The following PVT1 variants were observed in gnomAD, a reference collection of about 807,000 sequenced individuals.
PVT1 encodes Pvt1 oncogene.
chr8:127,958,286 C>T (rs1211697358), intron 3 of PVT1, among the ~76,000 whole-genome samples: 1 of 151,850 alleles, frequency 6.6e-6, no homozygotes, highest in Non-Finnish European at 1.5e-5. Context: ...GTCGCCCAGG[C>T]AGGAGTGCAG....
Position 127,871,184 on chromosome 8 carries a change from C to T in PVT1, n.373-19405C>T, listed in dbSNP as rs1815347975. Among the ~76,000 whole-genome samples, 5 of 152,284 alleles carry T rather than the reference C, an allele frequency of 3.3e-5. No homozygotes were observed. The South Asian group carries it at 1.0e-3, about 32-fold the overall frequency. ...TGGTTACTGCCTGCTGTGTGCCTCT[C>T]CAGGGAGCACCAGGAGGGGCTGTGT... On this transcript the variant is annotated intron_variant and non_coding_transcript_variant, in intron 2 of 10. Coordinates refer to ENST00000651587, the Ensembl canonical transcript of PVT1.
rs1027398844 is a variant in PVT1, at chr8:127,936,213, C to T, written n.782+45215C>T. Among the ~76,000 whole-genome samples the T allele has an allele frequency of 9.2e-5, 14 of 151,754 alleles. 1 individual carries two copies. Among genetic ancestry groups the T allele is most frequent in the Admixed American group, 5.9e-4 (9 of 15,226 alleles). ...ATTACAGACATGCACCACCCACGCC[C>T]GGCTAATTTTGTATTTTTAGGAGAG... On this transcript the variant is annotated intron_variant and non_coding_transcript_variant, in intron 3 of 10. Coordinates refer to ENST00000651587, the Ensembl canonical transcript of PVT1.
chr8:127,924,762 C>T (rs1233218535), intron 3 of PVT1, among the ~76,000 whole-genome samples: 7 of 152,102 alleles, frequency 4.6e-5, no homozygotes, highest in African/African-American at 9.7e-5. Flanking sequence ...CCGCCCACCT[C>T]GGCCTCCCAA....
chr8:127,851,397 C>T (rs1344027331), intron 2 of PVT1, among the ~76,000 whole-genome samples: 1 of 152,156 alleles, frequency 6.6e-6, no homozygotes, highest in African/African-American at 2.4e-5. Context: ...AGCAGTGTGA[C>T]CTGGTTGTTT....
chr8:128,023,561 C>T (rs1817461760), intron 4 of PVT1, among the ~76,000 whole-genome samples: 1 of 152,204 alleles, frequency 6.6e-6, no homozygotes, highest in African/African-American at 2.4e-5. Flanking sequence ...GTTAGTGCTA[C>T]ATGCATTGCC....
intron 3 of PVT1, among the ~76,000 whole-genome samples, chr8:127,985,018 C>CTTCCTTCT (rs1816946822): frequency 7.3e-6 from 1 of 137,370 alleles, no homozygotes. Context: ...TCCTTCCTTC[C>CTTCCTTCT]TTCCTTCCTT....
chr8:128,035,437 T>TG (rs1057201548), intron 4 of PVT1, among the ~76,000 whole-genome samples: 2 of 152,172 alleles, frequency 1.3e-5, no homozygotes, highest in African/African-American at 2.4e-5. Flanking sequence ...TCACACTTTG[T>TG]GGGGGGCCAA....
At chr8:127,954,210 T>C (rs1349773493) in intron 3 of PVT1, among the ~76,000 whole-genome samples, 2 of 152,096 alleles carry the variant, frequency 1.3e-5, no homozygotes, top group Non-Finnish European at 2.9e-5. Flanking sequence ...GCAATACCTA[T>C]GTCTTAACTA....
chr8:128,086,625 T>G (rs1233517628), intron 5 of PVT1, among the ~76,000 whole-genome samples: 1 of 152,266 alleles, frequency 6.6e-6, no homozygotes, highest in African/African-American at 2.4e-5. Context: ...TTGTCAGCTT[T>G]ACCTAAACAG....
At chr8:127,974,820 T>C (rs994966056) in intron 3 of PVT1, among the ~76,000 whole-genome samples, 4 of 152,244 alleles carry the variant, frequency 2.6e-5, no homozygotes, top group Non-Finnish European at 5.9e-5. Context: ...ATCAGATTGT[T>C]TTCAGATATC....
At chr8:128,007,639 GA>G (rs1185083601) in intron 4 of PVT1, among the ~76,000 whole-genome samples, 1 of 152,202 alleles carries the variant, frequency 6.6e-6, no homozygotes, top group Non-Finnish European at 1.5e-5. Context: ...CCTGTTAACA[GA>G]CATTTCTGGG....
At chr8:127,850,155 G>A (rs1319723249) in intron 2 of PVT1, among the ~76,000 whole-genome samples, 1 of 152,130 alleles carries the variant, frequency 6.6e-6, no homozygotes, top group Non-Finnish European at 1.5e-5. Flanking sequence ...TGAGGGACTA[G>A]AAACTTCCTT....
intron 3 of PVT1, among the ~76,000 whole-genome samples, chr8:127,984,762 A>G (rs1487735246): frequency 3.3e-5 from 5 of 152,012 alleles, no homozygotes; most frequent in Admixed American, 6.5e-5. Context: ...ATACGCCACC[A>G]TGCCCAGCTA....
intron 2 of PVT1, among the ~76,000 whole-genome samples, chr8:127,816,110 T>G (rs929239226): frequency 1.5e-5 from 2 of 129,932 alleles, no homozygotes; most frequent in African/African-American, 6.6e-5. Flanking sequence ...GGCAACAGAG[T>G]GAGACTCCGT....
At chr8:128,054,753 G>A (rs761216907) in intron 4 of PVT1, among the ~76,000 whole-genome samples, 2 of 152,198 alleles carry the variant, frequency 1.3e-5, no homozygotes, top group Non-Finnish European at 2.9e-5. Flanking sequence ...CTGGGCCCAG[G>A]TTTTCAGGGA....
intron 2 of PVT1, among the ~76,000 whole-genome samples, chr8:127,888,263 C>T (rs1386523521): frequency 6.6e-6 from 1 of 152,154 alleles, no homozygotes; most frequent in Non-Finnish European, 1.5e-5. Flanking sequence ...AAGAAGAAAA[C>T]GTACCTTACT....
At chr8:128,064,401 C>A (rs928007950) in intron 4 of PVT1, among the ~76,000 whole-genome samples, 3 of 152,216 alleles carry the variant, frequency 2.0e-5, no homozygotes, top group African/African-American at 7.2e-5. Context: ...TCTTTTCACC[C>A]TTGTTTGGTC....
At chr8:128,020,856 G>T (rs999015842) in intron 4 of PVT1, among the ~76,000 whole-genome samples, 1 of 152,168 alleles carries the variant, frequency 6.6e-6, no homozygotes, top group East Asian at 1.9e-4. Context: ...TTGCACTTTC[G>T]CAGGGGACCT....
chr8:127,834,272 C>A (rs1384674910), intron 2 of PVT1, among the ~76,000 whole-genome samples: 1 of 152,104 alleles, frequency 6.6e-6, no homozygotes, highest in East Asian at 1.9e-4. Flanking sequence ...TACCACACAT[C>A]TACAACCATC....
Sources: allele counts gnomAD v4.1 joint callset (sites outside exome capture counted in the v4.1 genomes callset), GRCh38; gene constraint gnomAD v4.1.1; transcripts MANE v1.5; gene names NCBI Gene and HGNC (gene_info 2026-07-23, HGNC 2026-07-21).